C16orf46: variants seen among roughly 807,000 people sequenced by gnomAD.
The protein encoded by C16orf46 is uncharacterized protein C16orf46.
In C16orf46, 7 loss-of-function variants were observed where a neutral mutation model predicts 5.5. That is an observed-to-expected ratio of 1.28 (90% CI 0.73 to 2.40). C16orf46 has a LOEUF of 2.40. Among genes scored for constraint, C16orf46 ranks in the 30% most tolerant of loss-of-function variants. C16orf46 has a pLI of 0.00. For synonymous variants in C16orf46, 200 were observed against 184.1 expected (o/e 1.09, Z -0.70); for missense variants, 614 against 476.0 (o/e 1.29, Z -2.70).
chr16:81,059,119 A>T (rs1419815871), downstream of C16orf46, among the ~76,000 whole-genome samples: 1 of 151,946 alleles, frequency 6.6e-6, no homozygotes, highest in African/African-American at 2.4e-5. Context: ...CAATGGCGTC[A>T]TCTCGGCTCA....
chr16:81,075,256 C>A (rs1021462761), intron 1 of C16orf46, among the ~76,000 whole-genome samples: 1 of 16,318 alleles, frequency 6.1e-5, no homozygotes, highest in Non-Finnish European at 1.4e-4. Context: ...CTCTCTCTCT[C>A]TCTTTTTTTT....
chr16:81,075,442 T>G (rs1157040220), intron 1 of C16orf46, among the ~76,000 whole-genome samples: 2 of 152,042 alleles, frequency 1.3e-5, no homozygotes, highest in African/African-American at 4.8e-5. Context: ...ATACAAAAAT[T>G]AGCCAGGCAT....
At chr16:81,073,884 G>T (rs960178675) in intron 1 of C16orf46, among the ~76,000 whole-genome samples, 1 of 152,198 alleles carries the variant, frequency 6.6e-6, no homozygotes, top group Non-Finnish European at 1.5e-5. Flanking sequence ...AATGATCTTG[G>T]AAGTGGGTTC....
At chr16:81,064,417 T>C (rs1360603829) in intron 2 of C16orf46, among the ~76,000 whole-genome samples, 1 of 148,194 alleles carries the variant, frequency 6.7e-6, no homozygotes, top group Non-Finnish European at 1.5e-5. Flanking sequence ...TGAGAACAAA[T>C]ATTACGCAAC....
At chr16:81,064,828 G>C (rs1971602693) in intron 2 of C16orf46, among the ~76,000 whole-genome samples, 3 of 151,838 alleles carry the variant, frequency 2.0e-5, no homozygotes, top group Admixed American at 1.3e-4. Context: ...GCCTGGAACA[G>C]AGCCTCCTCT....
chr16:81,068,418 G>C lies in C16orf46; in HGVS notation c.-127-2137C>G, dbSNP rs117811865. Among the ~76,000 whole-genome samples the C allele has an allele frequency of 7.4e-3, 1,130 of 152,264 alleles. 3 individuals carry two copies. The highest frequency in any genetic ancestry group is 0.011 in the Non-Finnish European group (727 of 68,010). On this transcript the variant is annotated intron_variant, in intron 1 of 3. Coordinates refer to ENST00000299578, the MANE Select transcript of C16orf46 (RefSeq NM_152337.3). ...CTCCTATTTACAAATAAGTAACACT[G>C]CCCAAAGAAAAACCTATGTGGAAAG...
At chr16:81,074,169 G>A (rs1971948788) in intron 1 of C16orf46, among the ~76,000 whole-genome samples, 1 of 152,112 alleles carries the variant, frequency 6.6e-6, no homozygotes, top group African/African-American at 2.4e-5. Flanking sequence ...TCTGAAGACA[G>A]CTATCATTTT....
chr16:81,076,974 C>G lies in C16orf46; in HGVS notation c.-128+162G>C, dbSNP rs533968118. On this transcript the variant is annotated intron_variant, in intron 1 of 3. Coordinates refer to ENST00000299578, the MANE Select transcript of C16orf46 (RefSeq NM_152337.3). ...AACGGATCCTCCTCAGGCCCCGCCC[C>G]TCCCCAGACCCCGCCCGCTCTGGGG... is the stretch of plus-strand genomic sequence containing the variant. 3.9e-5 allele frequency: 6 copies of G among 152,506 alleles called. No homozygotes were observed. In the East Asian group the frequency reaches 1.2e-3, roughly 29 times the overall value. The allele number at this position is 152,506 out of a possible 1,614,324, so 9.4% of individuals were successfully genotyped here.
At chr16:81,060,926 A>G (rs1328149535), downstream of C16orf46, 2 of 1,246,190 alleles carry the variant, frequency 1.6e-6, no homozygotes, top group Non-Finnish European at 2.0e-6. Flanking sequence ...TAAGTAGCAG[A>G]AGCACGTTAA....
chr16:81,056,704 A>G (rs1373649049), downstream of C16orf46, among the ~76,000 whole-genome samples: 1 of 151,432 alleles, frequency 6.6e-6, no homozygotes, highest in Non-Finnish European at 1.5e-5. Flanking sequence ...TCAAAAAAAA[A>G]AAAAAAAAAA....
downstream of C16orf46, among the ~76,000 whole-genome samples, chr16:81,058,509 A>G (rs1789788148): frequency 1.3e-5 from 2 of 152,358 alleles, no homozygotes; most frequent in Admixed American, 1.3e-4. Context: ...GGGAATTAAG[A>G]TGGATTGGAC....
At chr16:81,077,112 G>A (rs889932884) in intron 1 of C16orf46, 24 bp downstream of exon 1, 4 of 152,444 alleles carry the variant, frequency 2.6e-5, no homozygotes, top group African/African-American at 9.6e-5. Flanking sequence ...CCCCAGGGGT[G>A]GAGAAATGGC....
intron 3 of C16orf46, among the ~76,000 whole-genome samples, chr16:81,054,695 C>G (rs1971245146): frequency 1.3e-5 from 2 of 152,084 alleles, no homozygotes; most frequent in South Asian, 2.1e-4. Flanking sequence ...ACTGCCCAGG[C>G]TGGTATGCAG....
intron 3 of C16orf46, among the ~76,000 whole-genome samples, 180 bp downstream of exon 3, chr16:81,063,566 T>C (rs1284443802): frequency 6.6e-6 from 1 of 152,226 alleles, no homozygotes; most frequent in South Asian, 2.1e-4. Flanking sequence ...TAAGTGGCCA[T>C]AAATACCCAC....
At position 81,061,117 on chromosome 16, in the gene C16orf46, G is replaced by T. The variant is rs952194166; in HGVS notation, c.*44C>A. 6.5e-7 allele frequency: 1 copy of T among 1,530,450 alleles called. No homozygotes were observed. The highest frequency in any genetic ancestry group is 1.4e-5 in the African/African-American group (1 of 72,230). The allele number at this position is 1,530,450 out of a possible 1,614,324, so 94.8% of individuals were successfully genotyped here. Reference sequence around the variant, plus strand: ...GAGAGAAGAAAGAGAAAGGATGGCTGCATCTCAAACGGTGCTTATTCCCAG... The same window carrying T: ...GAGAGAAGAAAGAGAAAGGATGGCTTCATCTCAAACGGTGCTTATTCCCAG... On this transcript the variant is annotated 3_prime_UTR_variant, in exon 4 of 4. Coordinates refer to ENST00000299578, the MANE Select transcript of C16orf46 (RefSeq NM_152337.3).
chr16:81,071,631 A>T (rs939208786), intron 1 of C16orf46, among the ~76,000 whole-genome samples: 1 of 152,122 alleles, frequency 6.6e-6, no homozygotes, highest in African/African-American at 2.4e-5. Flanking sequence ...CTGTGGTCAG[A>T]GCTACTAGGG....
rs758812004 is a variant in C16orf46 at position 81,061,345 on chromosome 16, T to A, written c.1004A>T (p.Tyr335Phe). ...CTCCTTGGCTTTGAATTTGGATTTG[T>A]AGCTTTGCACTCCCCGTTTCTGCAG... is the stretch of plus-strand genomic sequence containing the variant. ...QLLQKRGVQSYKSKFKAKEPR... is the reference protein window; with the variant it reads ...QLLQKRGVQSFKSKFKAKEPR... Residue 335 changes from tyrosine (Y) to phenylalanine (F), a missense_variant, in exon 4 of 4, where the codon TAC becomes TTC. Coordinates refer to ENST00000299578, the MANE Select transcript of C16orf46 (RefSeq NM_152337.3). The A allele has an allele frequency of 1.2e-6, 2 of 1,614,018 alleles. No individual in the cohort carries two copies. Among genetic ancestry groups the A allele is most frequent in the African/African-American group, 1.3e-5 (1 of 74,912 alleles).
At chr16:81,068,347 G>A (rs1778175884) in intron 1 of C16orf46, among the ~76,000 whole-genome samples, 1 of 152,130 alleles carries the variant, frequency 6.6e-6, no homozygotes, top group South Asian at 2.1e-4. Flanking sequence ...GTTAAAATTG[G>A]GAAAGCGGGG....
intron 3 of C16orf46, among the ~76,000 whole-genome samples, chr16:81,063,251 A>T (rs1169090155): frequency 2.0e-5 from 3 of 149,826 alleles, no homozygotes; most frequent in Non-Finnish European, 4.4e-5. Context: ...TCAGGGAAAA[A>T]AAAAAAAAAA....
Sources: allele counts gnomAD v4.1 joint callset (sites outside exome capture counted in the v4.1 genomes callset), GRCh38; gene constraint gnomAD v4.1.1; transcripts MANE v1.5; gene names NCBI Gene and HGNC (gene_info 2026-07-23, HGNC 2026-07-21).